PCBP3: variants seen among roughly 807,000 people sequenced by gnomAD.
PCBP3 encodes poly(rC)-binding protein 3.
A neutral mutation model predicts 52.7 loss-of-function variants in PCBP3; 25 were observed. The observed-to-expected ratio is 0.47, with a 90% CI of 0.35 to 0.66. The LOEUF is 0.66. Ranked by LOEUF, PCBP3 falls within the 30% of genes least tolerant of loss-of-function variation. PCBP3 has a pLI of 0.01. For missense variants in PCBP3, 391 were observed against 490.3 expected (o/e 0.80, Z 1.91); for synonymous variants, 162 against 183.0 (o/e 0.89, Z 0.93).
At chr21:45,718,223 A>C (rs1351087805) in intron 2 of PCBP3, among the ~76,000 whole-genome samples, 1 of 143,880 alleles carries the variant, frequency 7.0e-6, no homozygotes, top group African/African-American at 2.6e-5. Context: ...TTTTTTTGCT[A>C]GTCTAGGTGA....
intron 4 of PCBP3, chr21:45,763,824 C>T (rs1263325755): frequency 1.3e-5 from 2 of 152,502 alleles, no homozygotes; most frequent in East Asian, 3.8e-4. Flanking sequence ...CCTCTCTCTC[C>T]CCGGAAGCTG....
In PCBP3 at chr21:45,794,171, G is replaced by A. The variant is rs55792054; in HGVS notation, c.-126+38719G>A. On this transcript the variant is annotated intron_variant, in intron 4 of 17. Transcript: ENST00000681687. ...AAATTTATAGATGCTACTCACGCCCGTAGTATAGAAATGAAGGCTTAAATG... is the reference window on the plus strand; with the variant it reads ...AAATTTATAGATGCTACTCACGCCCATAGTATAGAAATGAAGGCTTAAATG... Among the ~76,000 whole-genome samples, 686 of 152,268 alleles carry A rather than the reference G, an allele frequency of 4.5e-3. 5 individuals are homozygous for A. The highest frequency in any genetic ancestry group is 7.5e-3 in the Non-Finnish European group (508 of 68,026).
intron 2 of PCBP3, among the ~76,000 whole-genome samples, chr21:45,691,670 G>A (rs1011047523): frequency 1.3e-5 from 2 of 151,848 alleles, no homozygotes; most frequent in Non-Finnish European, 2.9e-5. Context: ...AATGATCAAA[G>A]CAATGAAGAG....
intron 5 of PCBP3, among the ~76,000 whole-genome samples, chr21:45,877,771 G>A (rs2095301945): frequency 6.6e-6 from 1 of 152,134 alleles, no homozygotes; most frequent in Admixed American, 6.6e-5. Context: ...CTCCAACCTG[G>A]GCAACAGGAG....
intron 2 of PCBP3, among the ~76,000 whole-genome samples, chr21:45,673,997 A>G (rs959683163): frequency 2.0e-5 from 3 of 151,688 alleles, no homozygotes; most frequent in Non-Finnish European, 4.4e-5. Flanking sequence ...TAACCCAGTT[A>G]ATAATCACCA....
At chr21:45,722,634 A>G (rs2084734306) in intron 2 of PCBP3, among the ~76,000 whole-genome samples, 1 of 152,222 alleles carries the variant, frequency 6.6e-6, no homozygotes, top group South Asian at 2.1e-4. Context: ...AATATTTTCT[A>G]CAAATACTAC....
At chr21:45,831,955 A>G (rs2093461449) in intron 4 of PCBP3, among the ~76,000 whole-genome samples, 1 of 152,076 alleles carries the variant, frequency 6.6e-6, no homozygotes, top group Admixed American at 6.5e-5. Context: ...ATGTGATCCT[A>G]CCACCTCGGC....
intron 4 of PCBP3, among the ~76,000 whole-genome samples, chr21:45,766,139 G>A (rs1173050944): frequency 6.6e-6 from 1 of 152,236 alleles, no homozygotes; most frequent in Non-Finnish European, 1.5e-5. Context: ...GATGTAGGGA[G>A]CAGCGGCATT....
intron 4 of PCBP3, among the ~76,000 whole-genome samples, chr21:45,822,625 A>G (rs1363870693): frequency 1.4e-5 from 2 of 140,552 alleles, no homozygotes; most frequent in African/African-American, 6.3e-5. Flanking sequence ...CCAGGAGAGC[A>G]AGGGGCGGAC....
intron 1 of PCBP3, among the ~76,000 whole-genome samples, chr21:45,660,588 T>C (rs909733550): frequency 6.6e-6 from 1 of 152,244 alleles, no homozygotes; most frequent in Non-Finnish European, 1.5e-5. Flanking sequence ...TTTATTTTAC[T>C]ATTTTTTATT....
chr21:45,765,811 CA>C (rs2089258333), intron 4 of PCBP3, among the ~76,000 whole-genome samples: 1 of 152,212 alleles, frequency 6.6e-6, no homozygotes, highest in South Asian at 2.1e-4. Flanking sequence ...AGAAACAAGT[CA>C]TTCCTCCTGA....
rs2073753078 is a variant in PCBP3 at position 45,917,833 on chromosome 21, GC to G, written c.717+206del. 1 of 611,494 alleles carries G rather than the reference GC, an allele frequency of 1.6e-6. No individual in the cohort carries two copies. The highest frequency in any genetic ancestry group is 1.8e-5 in the African/African-American group (1 of 54,896). The allele number at this position is 611,494 out of a possible 1,614,324, so 37.9% of individuals were successfully genotyped here. On this transcript the variant is annotated intron_variant, in intron 13 of 17. Coordinates refer to ENST00000681687, the MANE Select transcript of PCBP3 (RefSeq NM_001384156.1). The surrounding 1 kb of genome is among the most constrained non-coding windows in gnomAD (Gnocchi z 5.3). ...TAATTCTGCTTGTGTTGAGGACTTG[GC>G]CTGATGTCAAATTGTCTCAATTCTG...
Position 45,820,740 on chromosome 21 carries a change from G to A in PCBP3, c.-125-29221G>A, listed in dbSNP as rs370470432. On this transcript the variant is annotated intron_variant, in intron 4 of 17. Coordinates refer to ENST00000681687, the MANE Select transcript of PCBP3 (RefSeq NM_001384156.1). ...ACCTGGGGGATGACCATGGACCTCT[G>A]CTGCCACCTCGTGGCAGGGCTGACG... Among the ~76,000 whole-genome samples the A allele has an allele frequency of 1.7e-3, 264 of 152,328 alleles. 2 individuals are homozygous for A. The South Asian group carries it at 0.052, about 30-fold the overall frequency.
intron 2 of PCBP3, among the ~76,000 whole-genome samples, chr21:45,728,273 G>GTT (rs2085205255): frequency 6.6e-6 from 1 of 152,132 alleles, no homozygotes; most frequent in Non-Finnish European, 1.5e-5. Context: ...TAAATTCCCA[G>GTT]GTTGCTGAGG....
intron 4 of PCBP3, among the ~76,000 whole-genome samples, chr21:45,769,471 G>A (rs1015360433): frequency 5.9e-5 from 9 of 152,252 alleles, no homozygotes; most frequent in East Asian, 3.8e-4. Context: ...GAGCACCTGC[G>A]TCTCTGAAAT....
chr21:45,766,107 G>A (rs1383228498), intron 4 of PCBP3, among the ~76,000 whole-genome samples: 2 of 152,206 alleles, frequency 1.3e-5, no homozygotes, highest in Non-Finnish European at 2.9e-5. Context: ...CGTCATCCAC[G>A]GCTTCACAGT....
intron 15 of PCBP3, among the ~76,000 whole-genome samples, chr21:45,933,861 C>T (rs431162): frequency 0.35 from 53,485 of 151,902 alleles, 10,074 homozygotes; most frequent in African/African-American, 0.43. Flanking sequence ...TGTGGACAAA[C>T]TGCCCCACCC....
At chr21:45,649,507 A>G (rs1434482949) in intron 1 of PCBP3, among the ~76,000 whole-genome samples, 2 of 152,254 alleles carry the variant, frequency 1.3e-5, no homozygotes, top group East Asian at 3.8e-4. Flanking sequence ...AACCAATTGT[A>G]CCAGTATTGT....
rs752794251 is a variant in PCBP3 at position 45,917,659 on chromosome 21, T to G, written c.717+30T>G. On this transcript the variant is annotated intron_variant, in intron 13 of 17. Coordinates refer to ENST00000681687, the MANE Select transcript of PCBP3 (RefSeq NM_001384156.1). The surrounding 1 kb of genome is among the most constrained non-coding windows in gnomAD (Gnocchi z 5.3). ...GTCTTCACTTTGTCTTCCTCTCACCTTTCTCTTCTCATGGTTGTTTACCTA... is the reference window on the plus strand; with the variant it reads ...GTCTTCACTTTGTCTTCCTCTCACCGTTCTCTTCTCATGGTTGTTTACCTA... 2.5e-6 allele frequency: 4 copies of G among 1,573,330 alleles called. No homozygotes were observed. In the South Asian group the frequency reaches 4.4e-5, roughly 17 times the overall value.
Sources: allele counts gnomAD v4.1 joint callset (sites outside exome capture counted in the v4.1 genomes callset), GRCh38; gene constraint gnomAD v4.1.1; non-coding constraint Gnocchi (gnomAD v3.1); transcripts MANE v1.5; gene names NCBI Gene and HGNC (gene_info 2026-07-23, HGNC 2026-07-21).